Variants in LRP4 observed in about 807,000 individuals in gnomAD.
LRP4 encodes the protein LDL receptor related protein 4.
A neutral mutation model predicts 220.3 loss-of-function variants in LRP4; 95 were observed. The ratio of observed to expected loss-of-function variants is 0.43; its 90% confidence interval spans 0.37 to 0.51. The LOEUF (loss-of-function observed/expected upper bound fraction) is 0.51. Ranked by LOEUF, LRP4 falls within the 20% of genes least tolerant of loss-of-function variation. The probability of loss-of-function intolerance (pLI) is 0.00; values close to 1 mark genes in which losing one functional copy is unlikely to be tolerated. For synonymous variants in LRP4, 903 were observed against 954.6 expected, an observed-to-expected ratio of 0.95 and a Z score of 1.00; for missense variants, 1,925 against 2,567.0, an observed-to-expected ratio of 0.75 and a Z score of 5.40.
At position 46,899,915 on chromosome 11, in the gene LRP4, C is replaced by T. The variant is rs201749120; in HGVS notation, c.378G>A (p.Leu126=). ...AGTCATTGTCACCATCGCAGTGCCA[C>T]AGACTCCGGATGCAGTAGCCATTCT... ...PCQNGYCIRS[L]WHCDGDNDCG... is the part of the protein sequence containing the mutation. The change falls in exon 4 of 38, where the codon CTG becomes CTA. Residue 126 remains leucine, a synonymous_variant. Transcript: ENST00000378623. This position sits in a 1 kb window ranked among gnomAD's most constrained non-coding sequence, Gnocchi z 5.9. 2.3e-4 allele frequency: 365 copies of T among 1,613,878 alleles called. 2 individuals carry two copies. The highest frequency in any genetic ancestry group is 3.1e-4 in the South Asian group (28 of 91,094).
At chr11:46,915,853 G>A (rs970872136) in intron 1 of LRP4, among the ~76,000 whole-genome samples, 3 of 152,186 alleles carry the variant, frequency 2.0e-5, no homozygotes, top group African/African-American at 7.2e-5. Context: ...GCTGAGGTCA[G>A]GTCTGCCTAA....
chr11:46,879,267 CAT>C lies in LRP4; in HGVS notation c.2861_2862del (p.Tyr954TrpfsTer8). 1 of 1,614,208 alleles carries C rather than the reference CAT, an allele frequency of 6.2e-7. No homozygotes were observed. The highest frequency in any genetic ancestry group is 8.5e-7 in the Non-Finnish European group (1 of 1,180,038). On this transcript the variant is annotated frameshift_variant, in exon 21 of 38. Transcript: ENST00000378623. LOFTEE classifies it high-confidence loss of function. Reference protein sequence around the residue: ...QLPHPFGLTLYGERIYWTDWQ... With the variant: ...QLPHPFGLTLXGERIYWTDWQ... The stretch of plus-strand genomic sequence containing the variant: ...CAGTCAGTCCAATAGATGCGCTCTC[CAT>C]AGAGGGTCAGCCCAAATGGGTGGGG...
chr11:46,902,480 A>G (rs1246264616), intron 2 of LRP4, among the ~76,000 whole-genome samples: 1 of 152,230 alleles, frequency 6.6e-6, no homozygotes, highest in African/African-American at 2.4e-5. Context: ...ACATATACAC[A>G]AACATATTCA....
chr11:46,879,225 G>C lies in LRP4; in HGVS notation c.2905C>G (p.Gln969Glu). 1 of 1,614,246 alleles carries C rather than the reference G, an allele frequency of 6.2e-7. No individual in the cohort carries two copies. Among genetic ancestry groups the C allele is most frequent in the Non-Finnish European group, 8.5e-7 (1 of 1,180,052 alleles). ...AGCCCTGTCAGCCGGTCAGCGCTCT[G>C]TATGCTCTTGGTCTGCCAGTCAGTC... is the stretch of plus-strand genomic sequence containing the variant. ...YWTDWQTKSIQSADRLTGLDR... is the reference protein window; with the variant it reads ...YWTDWQTKSIESADRLTGLDR... Residue 969 changes from glutamine to glutamate, a missense_variant, in exon 21 of 38, where the codon CAG becomes GAG. This residue lies in a region of LRP4 where 1,244 missense variants were observed against 1,624.9 expected (regional missense o/e 0.77). Coordinates refer to ENST00000378623, the MANE Select transcript of LRP4 (RefSeq NM_002334.4).
At chr11:46,885,502 G>T (rs150279158) in intron 18 of LRP4, among the ~76,000 whole-genome samples, 1 of 152,176 alleles carries the variant, frequency 6.6e-6, no homozygotes, top group Admixed American at 6.5e-5. Context: ...GGCTAGGCGC[G>T]GTGGCTCACA....
At chr11:46,883,761 T>G in intron 19 of LRP4, 110 bp downstream of exon 19, 1 of 839,876 alleles carries the variant, frequency 1.2e-6, no homozygotes, top group Non-Finnish European at 1.9e-6. Context: ...TCTTGCTTCC[T>G]TGGGCATATC....
rs1565782159 is a variant in LRP4, at chr11:46,874,920, T to C, written c.4109A>G (p.Asp1370Gly). 4 of 1,613,704 alleles carry C rather than the reference T, an allele frequency of 2.5e-6. No individual in the cohort carries two copies. The highest frequency in any genetic ancestry group is 1.7e-5 in the Admixed American group (1 of 60,000). ...SRGSIRRISL[D>G]TSDHTDVHVP... is the part of the protein sequence containing the mutation. Reference sequence around the variant, plus strand: ...ATGCACATCGGTGTGGTCACTGGTGTCCAGTGAGATACGCCGGATGGAGCC... The same window carrying C: ...ATGCACATCGGTGTGGTCACTGGTGCCCAGTGAGATACGCCGGATGGAGCC... The change falls in exon 28 of 38, where the codon GAC (aspartate) becomes GGC (glycine). Residue 1370 changes from aspartate to glycine, a missense_variant. Coordinates refer to ENST00000378623, the MANE Select transcript of LRP4 (RefSeq NM_002334.4).
intron 37 of LRP4, among the ~76,000 whole-genome samples, chr11:46,860,252 AAG>A (rs1940507794): frequency 6.6e-6 from 1 of 151,754 alleles, no homozygotes; most frequent in Non-Finnish European, 1.5e-5. Context: ...AAAAGAAAGA[AAG>A]AAAGAAAAAA....
At chr11:46,902,703 A>G in intron 2 of LRP4, 80 bp downstream of exon 2, 1 of 1,512,844 alleles carries the variant, frequency 6.6e-7, no homozygotes. Flanking sequence ...GATGCAGAAA[A>G]TACTCCATCA....
At chr11:46,864,611 T>A in intron 35 of LRP4, 76 bp from the exon 36 acceptor site, 1 of 1,004,152 alleles carries the variant, frequency 1.0e-6, no homozygotes, top group Non-Finnish European at 1.6e-6. Flanking sequence ...AATGGAAAGC[T>A]GAAAGGCTCC....
intron 1 of LRP4, among the ~76,000 whole-genome samples, chr11:46,914,139 C>T (rs1941912421): frequency 1.3e-5 from 2 of 152,262 alleles, no homozygotes; most frequent in African/African-American, 2.4e-5. Context: ...TTTGAACATG[C>T]TATTATCTCA....
In LRP4 at chr11:46,875,243, G is replaced by T; in HGVS notation, c.3926-140C>A. 2 of 976,246 alleles carry T rather than the reference G, an allele frequency of 2.0e-6. No homozygotes were observed. Among genetic ancestry groups the T allele is most frequent in the Non-Finnish European group, 3.1e-6 (2 of 638,410 alleles). 60.5% of individuals were successfully genotyped at this position (976,246 alleles called of 1,614,324 possible). A position where few individuals can be genotyped will look rare whatever the true frequency, so the allele number is the denominator to read the frequency against. ...CCTGGCAGGGTGAGGTAGAAGGAGG[G>T]TCTGCAGGAGGATCTCCAGGAGTCC... On this transcript the variant is annotated intron_variant, in intron 27 of 37. Transcript: ENST00000378623. The surrounding 1 kb of genome is among the most constrained non-coding windows in gnomAD (Gnocchi z 4.5).
chr11:46,909,387 A>G (rs1276012766), intron 1 of LRP4, among the ~76,000 whole-genome samples: 1 of 136,884 alleles, frequency 7.3e-6, no homozygotes, highest in South Asian at 2.6e-4. Flanking sequence ...CGGGTGGATC[A>G]TGAGGTCAGG....
intron 19 of LRP4, 128 bp from the exon 20 acceptor site, chr11:46,882,031 T>C (rs957220632): frequency 1.2e-6 from 1 of 839,228 alleles, no homozygotes; most frequent in African/African-American, 1.7e-5. Context: ...TGCATCAGTG[T>C]CCAGCCCAGC....
At position 46,900,497 on chromosome 11, in the gene LRP4, A is replaced by C. The variant is rs188537467; in HGVS notation, c.200-119T>G. 1.8e-4 allele frequency: 132 copies of C among 723,736 alleles called. 1 individual carries two copies. Among genetic ancestry groups the C allele is most frequent in the Non-Finnish European group, 3.1e-4 (123 of 400,994 alleles). 44.8% of individuals were successfully genotyped at this position (723,736 alleles called of 1,614,324 possible). A position where few individuals can be genotyped will look rare whatever the true frequency, so the allele number is the denominator to read the frequency against. On this transcript the variant is annotated intron_variant, in intron 2 of 37. Transcript: ENST00000378623. ...GTCTTTTTTTCTTTTTTTGAGACCG[A>C]GTCTTACTCTGTCACCCAGGTTGGA...
intron 7 of LRP4, among the ~76,000 whole-genome samples, chr11:46,897,525 C>A (rs1269291685): frequency 6.7e-6 from 1 of 150,186 alleles, no homozygotes; most frequent in Admixed American, 6.6e-5. Flanking sequence ...CTGCGGCCTT[C>A]CGCAGTGTTT....
chr11:46,899,847 C>A lies in LRP4; in HGVS notation c.430+16G>T. The A allele has an allele frequency of 6.2e-7, 1 of 1,611,056 alleles. No homozygotes were observed. Among genetic ancestry groups the A allele is most frequent in the African/African-American group, 1.3e-5 (1 of 75,006 alleles). On this transcript the variant is annotated intron_variant, in intron 4 of 37. Transcript: ENST00000378623. The surrounding 1 kb of genome is among the most constrained non-coding windows in gnomAD (Gnocchi z 5.9). ...ACTGGCCACCTTGCCTGCCTTCCCC[C>A]GTTGGGGTCACCCACCACACTGCTC...
Position 46,875,064 on chromosome 11 carries a change from T to C in LRP4, c.3965A>G (p.His1322Arg), listed in dbSNP as rs755817415. 1.9e-6 allele frequency: 3 copies of C among 1,608,250 alleles called. No homozygotes were observed. The highest frequency in any genetic ancestry group is 1.7e-6 in the Non-Finnish European group (2 of 1,178,690). The change falls in exon 28 of 38, where the codon CAC becomes CGC. Residue 1322 changes from histidine to arginine, a missense_variant. Physicochemically the swap from His to Arg is conservative, Grantham distance 29. Coordinates refer to ENST00000378623, the MANE Select transcript of LRP4 (RefSeq NM_002334.4). The surrounding 1 kb of genome is among the most constrained non-coding windows in gnomAD (Gnocchi z 4.5). ...GCCAGAAGGCCGAGGCAAGCAGAGGTGGGAGCAGCCGCCATTTCTCGAGCC... is the reference window on the plus strand; with the variant it reads ...GCCAGAAGGCCGAGGCAAGCAGAGGCGGGAGCAGCCGCCATTTCTCGAGCC... ...KCGSRNGGCS[H>R]LCLPRPSGFS...
Position 46,868,552 on chromosome 11 carries a change from C to G in LRP4, c.4951+48G>C, listed in dbSNP as rs374376420. On this transcript the variant is annotated intron_variant, in intron 33 of 37. Transcript: ENST00000378623. Reference sequence around the variant, plus strand: ...GTATCAGAGGCTGCTGACTCTCAGCCCTTCCAGGGGCTCTGCCGAGTGGCT... The same window carrying G: ...GTATCAGAGGCTGCTGACTCTCAGCGCTTCCAGGGGCTCTGCCGAGTGGCT... The G allele has an allele frequency of 3.4e-4, 461 of 1,359,816 alleles. 2 individuals carry two copies. The highest frequency in any genetic ancestry group is 1.8e-4 in the Middle Eastern group (1 of 5,576). 84.2% of individuals were successfully genotyped at this position (1,359,816 alleles called of 1,614,324 possible). A position where few individuals can be genotyped will look rare whatever the true frequency, so the allele number is the denominator to read the frequency against.
Sources: allele counts gnomAD v4.1 joint callset (sites outside exome capture counted in the v4.1 genomes callset), GRCh38; gene constraint gnomAD v4.1.1; regional missense constraint gnomAD v4.1.1; non-coding constraint Gnocchi (gnomAD v3.1); transcripts MANE v1.5; gene names NCBI Gene and HGNC (gene_info 2026-07-23, HGNC 2026-07-21).